The following CDADC1 variants were observed in gnomAD, a reference collection of about 807,000 sequenced individuals.
CDADC1 encodes dCTP deaminase.
CDADC1 carries 39 observed loss-of-function variants against 54.9 expected under a neutral mutation model. The ratio of observed to expected loss-of-function variants is 0.71; its 90% CI spans 0.55 to 0.93. CDADC1 has a LOEUF of 0.93. Among genes scored for constraint, CDADC1 ranks in the 40% least tolerant of loss-of-function variants. The pLI is 0.00. For synonymous variants in CDADC1, 186 were observed against 204.0 expected, an observed-to-expected ratio of 0.91 and a Z score of 0.75; for missense variants, 518 against 618.8, an observed-to-expected ratio of 0.84 and a Z score of 1.73.
In CDADC1 at chr13:49,254,861, T is replaced by C. The variant is rs1001930658; in HGVS notation, c.178-978T>C. 2.6e-5 allele frequency among the ~76,000 whole-genome samples: 4 copies of C among 152,346 alleles called. No individual in the cohort carries two copies. The South Asian group carries it at 8.3e-4, about 32-fold the overall frequency. On this transcript the variant is annotated intron_variant, in intron 2 of 9. Coordinates refer to ENST00000251108, the MANE Select transcript of CDADC1 (RefSeq NM_030911.4). ...TAGCAAGGGTTCAATAAGTATTTGT[T>C]GAACTAATAAATGAAGGACTTTGGT...
chr13:49,271,190 C>G (rs1389063895), intron 5 of CDADC1, among the ~76,000 whole-genome samples: 1 of 152,050 alleles, frequency 6.6e-6, no homozygotes, highest in East Asian at 1.9e-4. Flanking sequence ...GGCAGGAGGA[C>G]TGCTTGAGGC....
At chr13:49,286,755 A>G (rs1319396431) in intron 9 of CDADC1, among the ~76,000 whole-genome samples, 2 of 152,246 alleles carry the variant, frequency 1.3e-5, no homozygotes, top group African/African-American at 4.8e-5. Context: ...CATCACAGCT[A>G]CCATAATGAA....
chr13:49,277,634 T>C (rs1255204996), intron 6 of CDADC1, among the ~76,000 whole-genome samples: 1 of 152,152 alleles, frequency 6.6e-6, no homozygotes, highest in African/African-American at 2.4e-5. Flanking sequence ...ATGAGTTTTA[T>C]AGCATATTCC....
intron 8 of CDADC1, among the ~76,000 whole-genome samples, chr13:49,283,445 G>A (rs547634835): frequency 6.6e-6 from 1 of 152,178 alleles, no homozygotes; most frequent in East Asian, 1.9e-4. Flanking sequence ...CTACTTCCGT[G>A]TTTTTGTTTT....
chr13:49,274,684 T>A (rs560908168), intron 6 of CDADC1, among the ~76,000 whole-genome samples: 84 of 149,494 alleles, frequency 5.6e-4, no homozygotes, highest in South Asian at 4.2e-3. Context: ...AAAAAAAAAA[T>A]ATTAATATTT....
At chr13:49,277,425 A>T (rs1442276602) in intron 6 of CDADC1, among the ~76,000 whole-genome samples, 9 of 152,060 alleles carry the variant, frequency 5.9e-5, no homozygotes, top group African/African-American at 2.2e-4. Context: ...ACAGAGTGAG[A>T]CCCTGTCTCT....
chr13:49,286,439 G>A (rs1953516314), intron 9 of CDADC1, among the ~76,000 whole-genome samples, 157 bp downstream of exon 9: 1 of 152,140 alleles, frequency 6.6e-6, no homozygotes, highest in Non-Finnish European at 1.5e-5. Context: ...ATATTTGTGG[G>A]TCTACCATAT....
intron 6 of CDADC1, among the ~76,000 whole-genome samples, chr13:49,275,702 T>A (rs1953088494): frequency 1.8e-5 from 1 of 55,726 alleles, no homozygotes; most frequent in Non-Finnish European, 3.2e-5. Flanking sequence ...TATATATATA[T>A]ATATATATAT....
chr13:49,283,663 A>G (rs1953416535), intron 8 of CDADC1, among the ~76,000 whole-genome samples: 1 of 152,128 alleles, frequency 6.6e-6, no homozygotes, highest in Admixed American at 6.5e-5. Flanking sequence ...AGGGCAAGAG[A>G]AGCAGAAGGA....
intron 1 of CDADC1, chr13:49,248,380 C>T (rs1952345329): frequency 4.6e-6 from 2 of 435,086 alleles, no homozygotes; most frequent in African/African-American, 2.0e-5. Flanking sequence ...GGTCAAAGAG[C>T]CTGAACATTT....
intron 8 of CDADC1, among the ~76,000 whole-genome samples, chr13:49,285,398 T>G (rs180769088): frequency 6.6e-6 from 1 of 152,220 alleles, no homozygotes; most frequent in Admixed American, 6.5e-5. Context: ...CAGGATGGTC[T>G]CTATCTGACC....
chr13:49,285,574 A>C (rs1487466153), intron 8 of CDADC1, among the ~76,000 whole-genome samples: 37 of 152,170 alleles, frequency 2.4e-4, no homozygotes, highest in South Asian at 2.1e-4. Flanking sequence ...TGTTAATTCC[A>C]TAGTACTGGG....
At chr13:49,281,741 AACAC>A (rs1051279503) in intron 8 of CDADC1, among the ~76,000 whole-genome samples, 3 of 152,044 alleles carry the variant, frequency 2.0e-5, no homozygotes, top group Non-Finnish European at 4.4e-5. Context: ...CACACACACA[AACAC>A]ACACATTTCT....
chr13:49,291,303 G>C (rs1274565967), intron 9 of CDADC1, among the ~76,000 whole-genome samples: 1 of 150,672 alleles, frequency 6.6e-6, no homozygotes, highest in Non-Finnish European at 1.5e-5. Flanking sequence ...GAGTAGCTGG[G>C]ATTACAGGTG....
At chr13:49,290,682 T>C (rs897396931) in intron 9 of CDADC1, among the ~76,000 whole-genome samples, 4 of 152,306 alleles carry the variant, frequency 2.6e-5, no homozygotes, top group Non-Finnish European at 2.9e-5. Context: ...TGTGTACTTA[T>C]GTCAGAAATC....
chr13:49,283,378 A>C (rs755981162), intron 8 of CDADC1, among the ~76,000 whole-genome samples: 24 of 152,184 alleles, frequency 1.6e-4, no homozygotes, highest in Non-Finnish European at 3.1e-4. Context: ...GAGATGGGAA[A>C]GATACCTTTT....
chr13:49,251,922 G>GTT (rs1270240313), intron 2 of CDADC1, among the ~76,000 whole-genome samples: 1 of 152,100 alleles, frequency 6.6e-6, no homozygotes, highest in Non-Finnish European at 1.5e-5. Flanking sequence ...CACCATGGAA[G>GTT]TTTTCTAAAT....
At chr13:49,277,230 G>C (rs538548172) in intron 6 of CDADC1, among the ~76,000 whole-genome samples, 4 of 151,816 alleles carry the variant, frequency 2.6e-5, no homozygotes, top group Non-Finnish European at 5.9e-5. Flanking sequence ...CAGCACTTTG[G>C]GAGGCGGGGG....
intron 8 of CDADC1, among the ~76,000 whole-genome samples, chr13:49,285,095 C>T: frequency 6.6e-6 from 1 of 151,826 alleles, no homozygotes; most frequent in South Asian, 2.1e-4. Context: ...TGATATGATG[C>T]AGGTAATAGT....
Sources: gnomAD v4.1 joint callset for allele counts (sites outside exome capture counted in the v4.1 genomes callset) on GRCh38, gnomAD v4.1.1 for gene constraint, MANE v1.5 for transcripts, NCBI Gene and HGNC (gene_info 2026-07-23, HGNC 2026-07-21) for gene names.